Variants in PSME4 observed in about 807,000 individuals in gnomAD.
PSME4 encodes proteasome activator subunit 4.
PSME4 carries 89 observed loss-of-function variants against 253.9 expected under a neutral mutation model. The observed-to-expected ratio is 0.35, with a 90% CI of 0.30 to 0.42. The LOEUF is 0.42. Among genes scored for constraint, PSME4 ranks in the 10% least tolerant of loss-of-function variants. PSME4 has a pLI of 1.00. For missense variants in PSME4, 2,014 were observed against 2,195.2 expected, an observed-to-expected ratio of 0.92 and a Z score of 1.65; for synonymous variants, 851 against 759.2, an observed-to-expected ratio of 1.12 and a Z score of -1.99.
chr2:53,894,456 G>C (rs1285305432), intron 34 of PSME4, among the ~76,000 whole-genome samples: 3 of 152,072 alleles, frequency 2.0e-5, no homozygotes. Context: ...ATTTTTTGTA[G>C]AGACAAGGTT....
At position 53,934,517 on chromosome 2, in the gene PSME4, TATC is replaced by T; in HGVS notation, c.957+85_957+87del. 3 of 1,350,898 alleles carry T rather than the reference TATC, an allele frequency of 2.2e-6. No individual in the cohort carries two copies. The South Asian group carries it at 4.5e-5, about 20-fold the overall frequency. The allele number at this position is 1,350,898 out of a possible 1,614,324, so 83.7% of individuals were successfully genotyped here. On this transcript the variant is annotated intron_variant, in intron 8 of 46. Coordinates refer to ENST00000404125, the MANE Select transcript of PSME4 (RefSeq NM_014614.3). ...ATCAAGTCACCAACCAAGCCACTAT[TATC>T]AACTTCTGCGACTATCCACAATTTT... is the stretch of plus-strand genomic sequence containing the variant.
intron 1 of PSME4, among the ~76,000 whole-genome samples, chr2:53,953,329 T>C (rs186189588): frequency 1.1e-4 from 16 of 151,806 alleles, no homozygotes; most frequent in South Asian, 2.1e-4. Flanking sequence ...ATATCCAAAT[T>C]ACTAGTAAGA....
intron 20 of PSME4, among the ~76,000 whole-genome samples, chr2:53,911,237 C>G (rs1291390642): frequency 6.6e-6 from 1 of 152,112 alleles, no homozygotes; most frequent in African/African-American, 2.4e-5. Context: ...GTTTCAAAAC[C>G]AAGCCCATAG....
intron 20 of PSME4, chr2:53,917,383 C>T (rs6741266): frequency 6.6e-6 from 1 of 151,976 alleles, no homozygotes; most frequent in East Asian, 1.9e-4. Flanking sequence ...TATAAAAAAT[C>T]TAATTGGCTT....
intron 26 of PSME4, among the ~76,000 whole-genome samples, chr2:53,905,192 G>A (rs530498937): frequency 6.6e-6 from 1 of 151,450 alleles, no homozygotes; most frequent in South Asian, 2.1e-4. Context: ...ACCACGCCTG[G>A]CTAATTTTTG....
intron 40 of PSME4, among the ~76,000 whole-genome samples, chr2:53,887,000 G>C (rs1158970424): frequency 6.6e-6 from 1 of 152,028 alleles, no homozygotes; most frequent in Non-Finnish European, 1.5e-5. Context: ...ATGAGGGGAG[G>C]GAAAATGAGG....
At chr2:53,940,830 T>C (rs1305066493) in intron 3 of PSME4, among the ~76,000 whole-genome samples, 1 of 138,050 alleles carries the variant, frequency 7.2e-6, no homozygotes, top group East Asian at 2.0e-4. Flanking sequence ...AAAAATAAAA[T>C]TCCCCAAATC....
intron 18 of PSME4, 83 bp downstream of exon 18, chr2:53,920,806 T>A: frequency 2.6e-6 from 3 of 1,145,302 alleles, no homozygotes. Context: ...AAAACTAACA[T>A]ATGCAAGAAA....
intron 1 of PSME4, among the ~76,000 whole-genome samples, chr2:53,951,171 C>T (rs1232952440): frequency 6.6e-6 from 1 of 152,112 alleles, no homozygotes; most frequent in African/African-American, 2.4e-5. Flanking sequence ...CAACCTCTGC[C>T]TCCTGGATTC....
intron 1 of PSME4, among the ~76,000 whole-genome samples, chr2:53,950,393 T>C (rs540440450): frequency 1.2e-4 from 18 of 152,300 alleles, no homozygotes; most frequent in Admixed American, 1.2e-3. Context: ...ACAAGTTACA[T>C]AACTTGTACT....
In PSME4 at chr2:53,877,004, T is replaced by C. The variant is rs139381314; in HGVS notation, c.4816-1249A>G. On this transcript the variant is annotated intron_variant, in intron 41 of 46. Coordinates refer to ENST00000404125, the MANE Select transcript of PSME4 (RefSeq NM_014614.3). ...TCCCAAAGTGCTGAGATTACAGGCA[T>C]GGGCCAGTGTACCCAGTATCCGTAT... 5.5e-3 allele frequency among the ~76,000 whole-genome samples: 832 copies of C among 152,144 alleles called. 9 individuals carry two copies. The highest frequency in any genetic ancestry group is 0.019 in the African/African-American group (792 of 41,528).
At chr2:53,948,996 A>C in intron 2 of PSME4, 147 bp downstream of exon 2, 1 of 1,134,310 alleles carries the variant, frequency 8.8e-7, no homozygotes. Flanking sequence ...GACACATTTG[A>C]TGAAAATTAA....
intron 16 of PSME4, 24 bp from the exon 17 acceptor site, chr2:53,922,608 G>C (rs1341790223): frequency 6.2e-7 from 1 of 1,605,464 alleles, no homozygotes; most frequent in Non-Finnish European, 8.5e-7. Flanking sequence ...AATACTATTA[G>C]GGGGAAAAAC....
chr2:53,878,792 T>C (rs1679250537), intron 41 of PSME4, among the ~76,000 whole-genome samples: 1 of 152,236 alleles, frequency 6.6e-6, no homozygotes, highest in Admixed American at 6.5e-5. Flanking sequence ...TAAGATGTTA[T>C]CAATGACAAT....
At chr2:53,933,944 GTTTAAGAA>G (rs991776003) in intron 8 of PSME4, among the ~76,000 whole-genome samples, 24 of 152,214 alleles carry the variant, frequency 1.6e-4, no homozygotes, top group Admixed American at 3.9e-4. Flanking sequence ...TTACAATGAA[GTTTAAGAA>G]GTAAACTTTT....
At chr2:53,969,703 T>TC (rs1328206836) in intron 1 of PSME4, among the ~76,000 whole-genome samples, 3 of 148,870 alleles carry the variant, frequency 2.0e-5, no homozygotes, top group East Asian at 4.0e-4. Context: ...TTTTTTTTTT[T>TC]CCTAATTTCA....
intron 44 of PSME4, 153 bp downstream of exon 44, chr2:53,869,223 T>C (rs1678749560): frequency 1.5e-6 from 1 of 674,406 alleles, no homozygotes; most frequent in Non-Finnish European, 2.3e-6. Context: ...CTGCTTTCTA[T>C]ATGCAAAACT....
chr2:53,966,040 T>C (rs1670719367), intron 1 of PSME4, among the ~76,000 whole-genome samples: 1 of 152,126 alleles, frequency 6.6e-6, no homozygotes, highest in Non-Finnish European at 1.5e-5. Flanking sequence ...CCCAGCACCT[T>C]GGGAGGCCGA....
At chr2:53,952,300 T>G (rs1381908217) in intron 1 of PSME4, among the ~76,000 whole-genome samples, 1 of 152,058 alleles carries the variant, frequency 6.6e-6, no homozygotes, top group Non-Finnish European at 1.5e-5. Flanking sequence ...CCCAGCACTT[T>G]GGGAGGCCGA....
Sources: allele counts gnomAD v4.1 joint callset (sites outside exome capture counted in the v4.1 genomes callset), GRCh38; gene constraint gnomAD v4.1.1; transcripts MANE v1.5; gene names NCBI Gene and HGNC (gene_info 2026-07-23, HGNC 2026-07-21).